PDE1A: variants seen among roughly 807,000 people sequenced by gnomAD.
PDE1A encodes phosphodiesterase 1A, also known as dual specificity calcium/calmodulin-dependent 3',5'-cyclic nucleotide phosphodiesterase 1A.
A neutral mutation model predicts 61.7 loss-of-function variants in PDE1A; 35 were observed. The observed-to-expected ratio is 0.57, with a 90% CI of 0.43 to 0.75. PDE1A has a LOEUF of 0.75. Ranked by LOEUF, PDE1A falls within the 30% of genes least tolerant of loss-of-function variation. PDE1A has a pLI of 0.00. For synonymous variants in PDE1A, 232 were observed against 213.2 expected (o/e 1.09, Z -0.77); for missense variants, 597 against 630.6 (o/e 0.95, Z 0.57).
the PDE1A span, among the ~76,000 whole-genome samples, chr2:182,696,408 AG>A: frequency 6.6e-6 from 1 of 152,222 alleles, no homozygotes; most frequent in Non-Finnish European, 1.5e-5. Flanking sequence ...CGTTCTGAAA[AG>A]GCAAAACTAT....
intron 1 of PDE1A, among the ~76,000 whole-genome samples, chr2:182,419,336 C>CT (rs35320184): frequency 0.046 from 6,080 of 132,578 alleles, 166 homozygotes; most frequent in Admixed American, 0.067. Flanking sequence ...TTTTTCTTTT[C>CT]TTTTTTTTTT....
At chr2:182,454,296 A>C (rs1574697792) in intron 2 of PDE1A, among the ~76,000 whole-genome samples, 1 of 152,130 alleles carries the variant, frequency 6.6e-6, no homozygotes, top group African/African-American at 2.4e-5. Flanking sequence ...AGAACATTCC[A>C]TGCTCATGGG....
upstream of PDE1A, among the ~76,000 whole-genome samples, chr2:182,430,689 A>G (rs891622273): frequency 6.9e-5 from 9 of 130,448 alleles, no homozygotes; most frequent in Non-Finnish European, 1.2e-4. Flanking sequence ...TCACAATAGC[A>G]AAGACTTGGA....
intron 2 of PDE1A, among the ~76,000 whole-genome samples, chr2:182,471,136 C>A (rs1574738544): frequency 6.6e-6 from 1 of 151,536 alleles, no homozygotes; most frequent in South Asian, 2.1e-4. Context: ...ATATCTAGAG[C>A]AAAAATATTA....
chr2:182,705,723 A>ACT, the PDE1A span, among the ~76,000 whole-genome samples: 1 of 152,180 alleles, frequency 6.6e-6, no homozygotes, highest in Non-Finnish European at 1.5e-5. Flanking sequence ...CAGGTTGACA[A>ACT]GGCTGGTCTT....
At chr2:182,494,805 A>G (rs1688609482) in intron 2 of PDE1A, among the ~76,000 whole-genome samples, 2 of 152,150 alleles carry the variant, frequency 1.3e-5, no homozygotes, top group Admixed American at 1.3e-4. Flanking sequence ...TCCAGGGGAA[A>G]GGAATTAGGA....
At chr2:182,594,490 C>A in the PDE1A span, among the ~76,000 whole-genome samples, 1 of 152,194 alleles carries the variant, frequency 6.6e-6, no homozygotes, top group African/African-American at 2.4e-5. Flanking sequence ...TTTTAAGAAA[C>A]CTCTAAGTTG....
At chr2:182,559,357 T>C in the PDE1A span, among the ~76,000 whole-genome samples, 1 of 152,140 alleles carries the variant, frequency 6.6e-6, no homozygotes, top group African/African-American at 2.4e-5. Flanking sequence ...GATTTTATCC[T>C]AGGTTAATAA....
chr2:182,574,678 T>C, the PDE1A span, among the ~76,000 whole-genome samples: 2 of 151,956 alleles, frequency 1.3e-5, no homozygotes, highest in African/African-American at 4.8e-5. Flanking sequence ...AATCACAGTC[T>C]ACGTTTTTTT....
intron 4 of PDE1A, among the ~76,000 whole-genome samples, chr2:182,231,475 A>C (rs1689574629): frequency 6.6e-6 from 1 of 152,210 alleles, no homozygotes; most frequent in East Asian, 1.9e-4. Flanking sequence ...TTAGGGTAGA[A>C]TTGCTAGTTA....
chr2:182,628,671 T>G, the PDE1A span, among the ~76,000 whole-genome samples: 10 of 150,734 alleles, frequency 6.6e-5, no homozygotes, highest in Admixed American at 2.0e-4. Flanking sequence ...TTAATGTCTG[T>G]TTTTTTTTAA....
chr2:182,294,715 C>A (rs543567247), intron 1 of PDE1A, among the ~76,000 whole-genome samples: 2 of 152,192 alleles, frequency 1.3e-5, no homozygotes, highest in East Asian at 1.9e-4. Flanking sequence ...TGTAGCCTGG[C>A]ACAAAAGTTA....
chr2:182,311,737 T>C (rs1695988184), intron 1 of PDE1A, among the ~76,000 whole-genome samples: 1 of 152,224 alleles, frequency 6.6e-6, no homozygotes, highest in Non-Finnish European at 1.5e-5. Flanking sequence ...CTGATGGACA[T>C]TCACATGTAA....
intron 2 of PDE1A, among the ~76,000 whole-genome samples, chr2:182,466,113 CATA>C (rs2125786363): frequency 6.6e-6 from 1 of 151,732 alleles, no homozygotes; most frequent in South Asian, 2.1e-4. Flanking sequence ...TTGTTTTCTT[CATA>C]ATGTCTTTAA....
chr2:182,180,813 T>C (rs1009285688), intron 13 of PDE1A, among the ~76,000 whole-genome samples: 5 of 151,936 alleles, frequency 3.3e-5, no homozygotes, highest in Non-Finnish European at 5.9e-5. Flanking sequence ...TAATCTTGTC[T>C]GCATGCCTTA....
At chr2:182,229,901 A>T in intron 6 of PDE1A, 105 bp downstream of exon 6, 1 of 705,026 alleles carries the variant, frequency 1.4e-6, no homozygotes, top group Non-Finnish European at 2.3e-6. Context: ...AATACTTATT[A>T]CTTAGAATAC....
At chr2:182,473,605 A>AC (rs1687172462) in intron 2 of PDE1A, among the ~76,000 whole-genome samples, 1 of 151,628 alleles carries the variant, frequency 6.6e-6, no homozygotes, top group African/African-American at 2.4e-5. Context: ...TAAGCCTAGT[A>AC]TCATTAGTTA....
At chr2:182,463,142 G>A (rs1199859929) in intron 2 of PDE1A, among the ~76,000 whole-genome samples, 1 of 152,082 alleles carries the variant, frequency 6.6e-6, no homozygotes, top group African/African-American at 2.4e-5. Context: ...TCGGGAGGCT[G>A]AGGCGAGAAT....
the PDE1A span, among the ~76,000 whole-genome samples, chr2:182,612,894 C>G: frequency 6.6e-6 from 1 of 152,166 alleles, no homozygotes; most frequent in African/African-American, 2.4e-5. Context: ...TTTGCGAGAT[C>G]GGCCTCCTCC....
Sources: gnomAD v4.1 joint callset for allele counts (sites outside exome capture counted in the v4.1 genomes callset) on GRCh38, gnomAD v4.1.1 for gene constraint, MANE v1.5 for transcripts, NCBI Gene and HGNC (gene_info 2026-07-23, HGNC 2026-07-21) for gene names.